TP63: variants seen among roughly 807,000 people sequenced by gnomAD.
The protein encoded by TP63 is tumor protein p63, also known as tumor protein 63.
Under a neutral mutation model 82.8 loss-of-function variants are expected in TP63, and 17 were observed. The observed-to-expected ratio is 0.21, with a 90% CI of 0.14 to 0.31. The LOEUF is 0.31. TP63 is among the 10% of genes least tolerant of loss of function. TP63 has a pLI of 1.00. For synonymous variants in TP63, 330 were observed against 321.7 expected (o/e 1.03, Z -0.28); for missense variants, 648 against 895.3 (o/e 0.72, Z 3.52).
the TP63 span, among the ~76,000 whole-genome samples, chr3:189,599,660 G>A: frequency 2.0e-5 from 3 of 152,060 alleles, no homozygotes; most frequent in Admixed American, 6.6e-5. Context: ...TTGAAGATTA[G>A]GGAGTTTACC....
At chr3:189,744,547 C>T (rs985937849) in intron 3 of TP63, among the ~76,000 whole-genome samples, 7 of 152,308 alleles carry the variant, frequency 4.6e-5, no homozygotes, top group African/African-American at 9.6e-5. Context: ...CTTCTGGTCA[C>T]GCCCACCCAA....
At chr3:189,788,739 G>A (rs897869422) in intron 3 of TP63, among the ~76,000 whole-genome samples, 6 of 151,904 alleles carry the variant, frequency 3.9e-5, no homozygotes, top group Admixed American at 3.9e-4. Context: ...ATGAATGTTG[G>A]TACGTATTTA....
At chr3:189,832,204 T>C (rs1364890524) in intron 4 of TP63, among the ~76,000 whole-genome samples, 5 of 151,846 alleles carry the variant, frequency 3.3e-5, no homozygotes, top group Non-Finnish European at 7.4e-5. Flanking sequence ...CCTCTTGGGG[T>C]TTTTCTAAAT....
chr3:189,866,575 A>G, intron 5 of TP63, 107 bp from the exon 6 acceptor site: 2 of 987,452 alleles, frequency 2.0e-6, no homozygotes, highest in Non-Finnish European at 3.1e-6. Flanking sequence ...TTTCTTTATT[A>G]TACAGACTAT....
chr3:189,807,345 G>A (rs1470146314), intron 3 of TP63, among the ~76,000 whole-genome samples: 1 of 152,248 alleles, frequency 6.6e-6, no homozygotes, highest in African/African-American at 2.4e-5. Flanking sequence ...CTCTCCGATA[G>A]TAATATAGTC....
At chr3:189,846,971 ACGCTTGGCCTTCCACATT>A (rs1455746357) in intron 4 of TP63, among the ~76,000 whole-genome samples, 1 of 151,768 alleles carries the variant, frequency 6.6e-6, no homozygotes, top group Non-Finnish European at 1.5e-5. Flanking sequence ...ATGAGCCACC[ACGCTTGGCCTTCCACATT>A]CTTTATTAAA....
chr3:189,648,723 G>A (rs1219461351), intron 1 of TP63, among the ~76,000 whole-genome samples: 2 of 147,202 alleles, frequency 1.4e-5, no homozygotes, highest in Non-Finnish European at 3.0e-5. Context: ...AGAATTCAGT[G>A]TTCTTCCTAA....
At chr3:189,815,319 A>G (rs1367652918) in intron 4 of TP63, among the ~76,000 whole-genome samples, 1 of 152,176 alleles carries the variant, frequency 6.6e-6, no homozygotes, top group Non-Finnish European at 1.5e-5. Context: ...TTGGTGAATA[A>G]TAATGGGCTG....
At position 189,894,503 on chromosome 3, in the gene TP63, G is replaced by A. The variant is rs1388190624; in HGVS notation, c.*1G>A. On this transcript the variant is annotated 3_prime_UTR_variant, in exon 14 of 14. Coordinates refer to ENST00000264731, the MANE Select transcript of TP63 (RefSeq NM_003722.5). ...GCGCATCAAAGAGGAGGGGGAGTGA[G>A]CCTCACCATGTGAGCTCTTCCTATC... The A allele has an allele frequency of 1.2e-6, 2 of 1,612,752 alleles. No homozygotes were observed. Among genetic ancestry groups the A allele is most frequent in the South Asian group, 1.1e-5 (1 of 91,024 alleles).
chr3:189,738,345 C>T (rs1036042076), intron 2 of TP63, among the ~76,000 whole-genome samples: 1 of 152,112 alleles, frequency 6.6e-6, no homozygotes, highest in African/African-American at 2.4e-5. Flanking sequence ...CCTTAGGAAT[C>T]GAGTATAAAA....
intron 4 of TP63, among the ~76,000 whole-genome samples, chr3:189,826,244 A>G (rs370091053): frequency 2.0e-5 from 3 of 152,330 alleles, no homozygotes; most frequent in South Asian, 4.1e-4. Context: ...GACTTGGAAA[A>G]TTCAAAAGAA....
intron 1 of TP63, among the ~76,000 whole-genome samples, chr3:189,667,129 T>A (rs9874407): frequency 0.4 from 60,551 of 149,918 alleles, 13,425 homozygotes; most frequent in Middle Eastern, 0.64. Flanking sequence ...CACACAAGCA[T>A]AGCACGACAG....
chr3:189,802,191 T>C (rs1726384335), intron 3 of TP63, among the ~76,000 whole-genome samples: 1 of 152,172 alleles, frequency 6.6e-6, no homozygotes, highest in Non-Finnish European at 1.5e-5. Context: ...GGGATGGAAA[T>C]GTAGTACTCT....
intron 4 of TP63, among the ~76,000 whole-genome samples, chr3:189,862,300 A>C (rs1218192608): frequency 6.6e-6 from 1 of 152,188 alleles, no homozygotes; most frequent in Non-Finnish European, 1.5e-5. Context: ...TCAGTAAACG[A>C]TGAAGCTATT....
intron 1 of TP63, among the ~76,000 whole-genome samples, chr3:189,672,803 TAAAC>T (rs1296657693): frequency 6.6e-6 from 1 of 151,934 alleles, no homozygotes; most frequent in African/African-American, 2.4e-5. Flanking sequence ...CATAGAGAAT[TAAAC>T]AAAGCCAACA....
chr3:189,730,452 A>G (rs4234612), intron 1 of TP63, among the ~76,000 whole-genome samples: 53,209 of 152,080 alleles, frequency 0.35, 9,509 homozygotes, highest in African/African-American at 0.42. Flanking sequence ...CCTCTTAACT[A>G]TGAAAACTTC....
chr3:189,674,034 C>A (rs9812619), intron 1 of TP63, among the ~76,000 whole-genome samples: 50,258 of 151,810 alleles, frequency 0.33, 9,129 homozygotes, highest in Middle Eastern at 0.45. Flanking sequence ...TGATTGATAG[C>A]GTAAGTGAAG....
At chr3:189,644,179 T>A (rs911774265) in intron 1 of TP63, among the ~76,000 whole-genome samples, 2 of 151,612 alleles carry the variant, frequency 1.3e-5, no homozygotes. Context: ...AATCACACAA[T>A]CTTACACTTT....
At chr3:189,600,970 C>CT in the TP63 span, among the ~76,000 whole-genome samples, 2 of 152,196 alleles carry the variant, frequency 1.3e-5, no homozygotes, top group African/African-American at 4.8e-5. Flanking sequence ...AATTGAATCT[C>CT]TAATCAGTAC....
Sources: allele counts gnomAD v4.1 joint callset (sites outside exome capture counted in the v4.1 genomes callset), GRCh38; gene constraint gnomAD v4.1.1; transcripts MANE v1.5; gene names NCBI Gene and HGNC (gene_info 2026-07-23, HGNC 2026-07-21).